ANGPTL2: variants seen among roughly 807,000 people sequenced by gnomAD.
ANGPTL2 encodes the protein angiopoietin like 2, also known as angiopoietin-related protein 2.
Under a neutral mutation model 52.8 loss-of-function variants are expected in ANGPTL2, and 25 were observed. The observed-to-expected ratio is 0.47, with a 90% confidence interval of 0.35 to 0.66. The LOEUF (loss-of-function observed/expected upper bound fraction) is 0.66. ANGPTL2 is among the 30% of genes least tolerant of loss of function. ANGPTL2 has a pLI of 0.01. For synonymous variants in ANGPTL2, 276 were observed against 277.4 expected (o/e 1.00, Z 0.05); for missense variants, 546 against 656.9 (o/e 0.83, Z 1.84).
chr9:127,120,016 G>C (rs551653513), intron 1 of ANGPTL2, among the ~76,000 whole-genome samples: 3 of 152,308 alleles, frequency 2.0e-5, no homozygotes, highest in Admixed American at 2.0e-4. Context: ...GAACCTCAGG[G>C]GGCCACAGCA....
At chr9:127,099,342 T>A (rs1329788974) in intron 2 of ANGPTL2, among the ~76,000 whole-genome samples, 3 of 152,214 alleles carry the variant, frequency 2.0e-5, no homozygotes, top group Non-Finnish European at 4.4e-5. Flanking sequence ...ATGAGAACTG[T>A]ATGCTGTTTT....
intron 1 of ANGPTL2, among the ~76,000 whole-genome samples, chr9:127,121,516 A>G (rs2056082968): frequency 6.6e-6 from 1 of 152,256 alleles, no homozygotes; most frequent in Non-Finnish European, 1.5e-5. Context: ...AGCAGAGGCA[A>G]GAGCTGACCC....
intron 1 of ANGPTL2, among the ~76,000 whole-genome samples, chr9:127,118,709 A>T (rs923208408): frequency 3.3e-5 from 5 of 152,070 alleles, no homozygotes; most frequent in African/African-American, 1.2e-4. Flanking sequence ...GTGATTATTT[A>T]CTGTCTGCCC....
At chr9:127,093,699 G>C (rs1363508654) in intron 3 of ANGPTL2, 34 bp downstream of exon 3, 1 of 1,610,130 alleles carries the variant, frequency 6.2e-7, no homozygotes, top group Non-Finnish European at 8.5e-7. Flanking sequence ...CAGTCACCTT[G>C]TGGGCAGCAC....
intron 3 of ANGPTL2, among the ~76,000 whole-genome samples, chr9:127,093,054 C>T (rs750475047): frequency 2.0e-5 from 3 of 152,104 alleles, no homozygotes; most frequent in Middle Eastern, 3.2e-3. Context: ...GAGGTTGATA[C>T]GAGATTAAAC....
chr9:127,092,485 G>A (rs1834780886), intron 3 of ANGPTL2, among the ~76,000 whole-genome samples: 1 of 152,116 alleles, frequency 6.6e-6, no homozygotes, highest in African/African-American at 2.4e-5. Flanking sequence ...GGGGTCAGCA[G>A]CTGAGTTACG....
At chr9:127,089,263 G>A in intron 4 of ANGPTL2, 125 bp from the exon 5 acceptor site, 1 of 981,712 alleles carries the variant, frequency 1.0e-6, no homozygotes, top group East Asian at 2.6e-5. Flanking sequence ...TTGAAAGGTG[G>A]ACCCGTCTCC....
intron 1 of ANGPTL2, among the ~76,000 whole-genome samples, chr9:127,109,641 A>G (rs2054599771): frequency 6.6e-6 from 1 of 152,242 alleles, no homozygotes; most frequent in Non-Finnish European, 1.5e-5. Context: ...TTCTTGGACC[A>G]TTCATCCTTT....
At chr9:127,096,590 G>T (rs1175385610) in intron 2 of ANGPTL2, among the ~76,000 whole-genome samples, 1 of 152,216 alleles carries the variant, frequency 6.6e-6, no homozygotes, top group African/African-American at 2.4e-5. Context: ...TGGGCGCCAT[G>T]AATGATCTCA....
Position 127,110,666 on chromosome 9 carries a change from A to G in ANGPTL2, c.-49-1886T>C, listed in dbSNP as rs117502858. Among the ~76,000 whole-genome samples, 160 of 152,296 alleles carry G rather than the reference A, an allele frequency of 1.1e-3. 3 individuals carry two copies. In the East Asian group the frequency reaches 0.03, roughly 28 times the overall value. On this transcript the variant is annotated intron_variant, in intron 1 of 4. Coordinates refer to ENST00000373425, the MANE Select transcript of ANGPTL2 (RefSeq NM_012098.3). ...CCCGTATCTCCAACCCAACCTGTTC[A>G]TCCCAGTTTTTCCTGTGTTCATAAA... is the stretch of plus-strand genomic sequence containing the variant.
chr9:127,088,910 G>T lies in ANGPTL2; in HGVS notation c.*29C>A. On this transcript the variant is annotated 3_prime_UTR_variant, in exon 5 of 5. Transcript: ENST00000373425. ...TGACCAGGGTGGGCTCCTGGCAATGGCCACGAGAGGTCAGGAGGGGGAGCT... is the reference window on the plus strand; with the variant it reads ...TGACCAGGGTGGGCTCCTGGCAATGTCCACGAGAGGTCAGGAGGGGGAGCT... 6.2e-7 allele frequency: 1 copy of T among 1,613,972 alleles called. No individual in the cohort carries two copies. Among genetic ancestry groups the T allele is most frequent in the Admixed American group, 1.7e-5 (1 of 60,022 alleles).
chr9:127,088,800 A>T lies in ANGPTL2; in HGVS notation c.*139T>A. On this transcript the variant is annotated 3_prime_UTR_variant, in exon 5 of 5. Coordinates refer to ENST00000373425, the MANE Select transcript of ANGPTL2 (RefSeq NM_012098.3). ...TTCAGTTCCATCATCCGCTGCAGTG[A>T]CTTCGGAAAACAGAATCCAGCATCC... is the stretch of plus-strand genomic sequence containing the variant. 1.0e-6 allele frequency: 1 copy of T among 977,630 alleles called. No homozygotes were observed. Among genetic ancestry groups the T allele is most frequent in the Non-Finnish European group, 1.6e-6 (1 of 642,328 alleles). 60.6% of individuals were successfully genotyped at this position (977,630 alleles called of 1,614,324 possible). A position where few individuals can be genotyped will look rare whatever the true frequency, so the allele number is the denominator to read the frequency against.
intron 2 of ANGPTL2, among the ~76,000 whole-genome samples, chr9:127,099,273 C>T (rs1398039581): frequency 2.0e-5 from 3 of 152,180 alleles, no homozygotes; most frequent in African/African-American, 4.8e-5. Context: ...ATATTTTAGT[C>T]CATACGCAGG....
intron 2 of ANGPTL2, among the ~76,000 whole-genome samples, chr9:127,096,397 A>G (rs1269153949): frequency 6.6e-6 from 1 of 152,194 alleles, no homozygotes; most frequent in East Asian, 1.9e-4. Flanking sequence ...ATCCGGCAGA[A>G]GCCTGCAAAA....
At chr9:127,096,567 G>A (rs1223301112) in intron 2 of ANGPTL2, among the ~76,000 whole-genome samples, 1 of 152,214 alleles carries the variant, frequency 6.6e-6, no homozygotes, top group Non-Finnish European at 1.5e-5. Context: ...GGCTCCAGCT[G>A]GGGCTGCCTT....
intron 4 of ANGPTL2, among the ~76,000 whole-genome samples, chr9:127,089,495 A>C (rs775257931): frequency 6.6e-6 from 1 of 152,192 alleles, no homozygotes; most frequent in Non-Finnish European, 1.5e-5. Flanking sequence ...GGAGGCCCCA[A>C]GGGAACTCCA....
At chr9:127,093,958 A>C (rs764226939) in intron 2 of ANGPTL2, 32 bp from the exon 3 acceptor site, 17 of 1,600,244 alleles carry the variant, frequency 1.1e-5, no homozygotes, top group South Asian at 5.5e-5. Flanking sequence ...TACATCACAG[A>C]CCTGCCTGTC....
chr9:127,111,319 C>T (rs958445071), intron 1 of ANGPTL2, among the ~76,000 whole-genome samples: 2 of 152,220 alleles, frequency 1.3e-5, no homozygotes, highest in African/African-American at 4.8e-5. Context: ...CTCCAGTGTC[C>T]TTATCACCAT....
chr9:127,095,111 T>A (rs1181337499), intron 2 of ANGPTL2, among the ~76,000 whole-genome samples: 1 of 152,190 alleles, frequency 6.6e-6, no homozygotes, highest in Non-Finnish European at 1.5e-5. Context: ...AAAATATTCC[T>A]CATAGGGCCG....
Sources: allele counts gnomAD v4.1 joint callset (sites outside exome capture counted in the v4.1 genomes callset), GRCh38; gene constraint gnomAD v4.1.1; transcripts MANE v1.5; gene names NCBI Gene and HGNC (gene_info 2026-07-23, HGNC 2026-07-21).